The following RASGEF1C variants were observed in gnomAD, a reference collection of about 807,000 sequenced individuals.
RASGEF1C encodes ras-GEF domain-containing family member 1C.
A neutral mutation model predicts 58.1 loss-of-function variants in RASGEF1C; 27 were observed. The observed-to-expected ratio is 0.46, with a 90% CI of 0.34 to 0.64. The LOEUF is 0.64. RASGEF1C is among the 30% of genes least tolerant of loss of function. The probability of loss-of-function intolerance (pLI) is 0.01; values close to 1 mark genes in which losing one functional copy is unlikely to be tolerated. For synonymous variants in RASGEF1C, 243 were observed against 246.3 expected (o/e 0.99, Z 0.13); for missense variants, 502 against 605.1 (o/e 0.83, Z 1.79).
intron 1 of RASGEF1C, among the ~76,000 whole-genome samples, chr5:180,147,373 G>C (rs1051832614): frequency 2.7e-5 from 4 of 150,298 alleles, no homozygotes; most frequent in African/African-American, 9.8e-5. Flanking sequence ...TCTTTTTCTA[G>C]CTCTTTACAT....
chr5:180,204,151 C>T (rs879326645), intron 1 of RASGEF1C, among the ~76,000 whole-genome samples: 3 of 152,272 alleles, frequency 2.0e-5, no homozygotes, highest in Non-Finnish European at 4.4e-5. Flanking sequence ...TTCCATCGTA[C>T]GGATATATAT....
rs550786495 is a variant in RASGEF1C, at chr5:180,109,326, T to C, written c.1303+2131A>G. 7.4e-4 allele frequency among the ~76,000 whole-genome samples: 112 copies of C among 151,932 alleles called. 1 individual carries two copies. The highest frequency in any genetic ancestry group is 4.4e-3 in the South Asian group (21 of 4,790). On this transcript the variant is annotated intron_variant, in intron 12 of 13. Coordinates refer to ENST00000361132, the MANE Select transcript of RASGEF1C (RefSeq NM_175062.4). The stretch of plus-strand genomic sequence containing the variant: ...AAAAAAAATTAGCCGGGCGTGGTGG[T>C]GGGTGCCTGTAGTCCCAGCTACTCG...
chr5:180,181,644 C>G (rs143300554), intron 1 of RASGEF1C, among the ~76,000 whole-genome samples: 3 of 152,308 alleles, frequency 2.0e-5, no homozygotes, highest in African/African-American at 4.8e-5. Context: ...AAGCTGGGAA[C>G]AGGCAGGGAA....
rs1766831507 is a variant in RASGEF1C, at chr5:180,155,288, A to T, written c.-6-17230T>A. On this transcript the variant is annotated intron_variant, in intron 1 of 13. Transcript: ENST00000361132. The surrounding 1 kb of genome is among the most constrained non-coding windows in gnomAD (Gnocchi z 5.2). Reference sequence around the variant, plus strand: ...GGTCCTCCTTTTCTCTCTCCTTGGAAGAGCCTGGAGCCTGGACACACATTT... The same window carrying T: ...GGTCCTCCTTTTCTCTCTCCTTGGATGAGCCTGGAGCCTGGACACACATTT... Among the ~76,000 whole-genome samples, 2 of 152,190 alleles carry T rather than the reference A, an allele frequency of 1.3e-5. No homozygotes were observed. Among genetic ancestry groups the T allele is most frequent in the African/African-American group, 4.8e-5 (2 of 41,460 alleles).
At chr5:180,122,402 A>G (rs1766191036) in intron 6 of RASGEF1C, among the ~76,000 whole-genome samples, 1 of 152,248 alleles carries the variant, frequency 6.6e-6, no homozygotes, top group Non-Finnish European at 1.5e-5. Flanking sequence ...TGTATAATAT[A>G]CCACCATTTA....
intron 4 of RASGEF1C, among the ~76,000 whole-genome samples, chr5:180,132,556 T>C (rs1359576615): frequency 6.6e-6 from 1 of 152,198 alleles, no homozygotes; most frequent in Non-Finnish European, 1.5e-5. Flanking sequence ...CTCGTGAGGC[T>C]CCTAGGGGTC....
At chr5:180,112,282 C>T (rs1214231705) in intron 11 of RASGEF1C, among the ~76,000 whole-genome samples, 1 of 152,224 alleles carries the variant, frequency 6.6e-6, no homozygotes, top group East Asian at 1.9e-4. Flanking sequence ...ACCTAACAAA[C>T]AGGTGAGGCA....
rs1395378102 is a variant in RASGEF1C, at chr5:180,197,109, T to A, written c.-7+11919A>T. On this transcript the variant is annotated intron_variant, in intron 1 of 13. Transcript: ENST00000361132. This position sits in a 1 kb window ranked among gnomAD's most constrained non-coding sequence, Gnocchi z 4.7. ...GCGCCTGTGGCCAGCCTGCCTCTGA[T>A]GAGCCTCCTTGGTCCCTCTGCAGCA... Among the ~76,000 whole-genome samples, 2 of 152,198 alleles carry A rather than the reference T, an allele frequency of 1.3e-5. No individual in the cohort carries two copies. Among genetic ancestry groups the A allele is most frequent in the Non-Finnish European group, 2.9e-5 (2 of 68,018 alleles).
intron 1 of RASGEF1C, among the ~76,000 whole-genome samples, chr5:180,153,158 T>C (rs991933140): frequency 6.6e-6 from 1 of 152,194 alleles, no homozygotes; most frequent in African/African-American, 2.4e-5. Context: ...TTTCTGGCTC[T>C]TTAAATCCCA....
chr5:180,201,743 C>T (rs976995113), intron 1 of RASGEF1C, among the ~76,000 whole-genome samples: 32 of 152,172 alleles, frequency 2.1e-4, no homozygotes, highest in East Asian at 1.9e-4. Flanking sequence ...GCCTTTGTGA[C>T]GAGATTAGGT....
intron 1 of RASGEF1C, among the ~76,000 whole-genome samples, chr5:180,162,240 T>A (rs1174546370): frequency 6.6e-6 from 1 of 152,212 alleles, no homozygotes; most frequent in Non-Finnish European, 1.5e-5. Context: ...TGTCTGCTTG[T>A]CTCTAGCCAC....
In RASGEF1C at chr5:180,197,028, C is replaced by T. The variant is rs1275344181; in HGVS notation, c.-7+12000G>A. ...AGCTGGGTGTGCTGCCCGAGGCTGGCGTCGGTGAGGCTCCCCTCAGACCTC... is the reference window on the plus strand; with the variant it reads ...AGCTGGGTGTGCTGCCCGAGGCTGGTGTCGGTGAGGCTCCCCTCAGACCTC... On this transcript the variant is annotated intron_variant, in intron 1 of 13. Coordinates refer to ENST00000361132, the MANE Select transcript of RASGEF1C (RefSeq NM_175062.4). This position sits in a 1 kb window ranked among gnomAD's most constrained non-coding sequence, Gnocchi z 4.7. Among the ~76,000 whole-genome samples, 1 of 152,332 alleles carries T rather than the reference C, an allele frequency of 6.6e-6. No individual in the cohort carries two copies. Among genetic ancestry groups the T allele is most frequent in the South Asian group, 2.1e-4 (1 of 4,830 alleles).
At chr5:180,167,656 T>A (rs1199025391) in intron 1 of RASGEF1C, among the ~76,000 whole-genome samples, 1 of 152,248 alleles carries the variant, frequency 6.6e-6, no homozygotes, top group East Asian at 1.9e-4. Flanking sequence ...TGTAGCATTT[T>A]CATAATAGCT....
At chr5:180,206,557 C>T (rs1281174786) in intron 1 of RASGEF1C, among the ~76,000 whole-genome samples, 1 of 152,154 alleles carries the variant, frequency 6.6e-6, no homozygotes, top group African/African-American at 2.4e-5. Context: ...AAAATAAATC[C>T]ACATTCACTC....
chr5:180,200,184 G>C (rs550435559), intron 1 of RASGEF1C, among the ~76,000 whole-genome samples: 1 of 151,960 alleles, frequency 6.6e-6, no homozygotes, highest in East Asian at 1.9e-4. Context: ...TGCTTGAACC[G>C]GGACCTGGGA....
chr5:180,103,795 A>G (rs1482495116), intron 12 of RASGEF1C, among the ~76,000 whole-genome samples: 1 of 152,248 alleles, frequency 6.6e-6, no homozygotes, highest in Non-Finnish European at 1.5e-5. Context: ...GCTGTTAAAT[A>G]TAATGTTTGC....
intron 1 of RASGEF1C, among the ~76,000 whole-genome samples, chr5:180,173,988 TG>T (rs1320775727): frequency 6.6e-6 from 1 of 150,468 alleles, no homozygotes; most frequent in Non-Finnish European, 1.5e-5. Context: ...GCTCAGGGGT[TG>T]GGGGGCCCAG....
At chr5:180,181,024 G>A (rs1004205576) in intron 1 of RASGEF1C, among the ~76,000 whole-genome samples, 6 of 152,206 alleles carry the variant, frequency 3.9e-5, no homozygotes, top group Non-Finnish European at 4.4e-5. Flanking sequence ...CACGAAACTC[G>A]AAATGCGTCA....
intron 1 of RASGEF1C, among the ~76,000 whole-genome samples, chr5:180,153,875 G>C (rs1039818135): frequency 3.9e-5 from 6 of 152,162 alleles, no homozygotes; most frequent in Non-Finnish European, 7.3e-5. Flanking sequence ...GGTGTGCTCT[G>C]GAAACAGAGC....
Sources: gnomAD v4.1 joint callset for allele counts (sites outside exome capture counted in the v4.1 genomes callset) on GRCh38, gnomAD v4.1.1 for gene constraint, Gnocchi (gnomAD v3.1) non-coding constraint, MANE v1.5 for transcripts, NCBI Gene and HGNC (gene_info 2026-07-23, HGNC 2026-07-21) for gene names.